The following SKIC2 variants were observed in gnomAD, a reference collection of about 807,000 sequenced individuals.
The protein encoded by SKIC2 is SKI2 subunit of superkiller complex.
chr6:31,964,222 C>T, the SKIC2 span: 7 of 1,612,300 alleles, frequency 4.3e-6, no homozygotes, highest in Non-Finnish European at 5.9e-6. This position sits in a 1 kb window ranked among gnomAD's most constrained non-coding sequence, Gnocchi z 5.0. Context: ...TGGGCCTCCT[C>T]CCACCAAAGG....
the SKIC2 span, chr6:31,963,147 C>T: frequency 9.7e-6 from 12 of 1,233,978 alleles, no homozygotes; most frequent in Admixed American, 3.5e-5. This position sits in a 1 kb window ranked among gnomAD's most constrained non-coding sequence, Gnocchi z 5.3. Flanking sequence ...CTCCTTGATT[C>T]GGGTGGGGGA....
the SKIC2 span, chr6:31,967,492 T>TGCCCTCCTTTTCACCCTCTC: frequency 1.2e-6 from 1 of 839,136 alleles, no homozygotes. The surrounding 1 kb of genome is among the most constrained non-coding windows in gnomAD (Gnocchi z 4.9). Context: ...TTTCCCCTCT[T>TGCCCTCCTTTTCACCCTCTC]GCCCTCCTTT....
the SKIC2 span, chr6:31,968,928 G>A: frequency 1.2e-6 from 2 of 1,613,028 alleles, no homozygotes; most frequent in Non-Finnish European, 8.5e-7. The surrounding 1 kb of genome is among the most constrained non-coding windows in gnomAD (Gnocchi z 6.1). Context: ...GGCAGGGCGG[G>A]TGGCTTGTGC....
chr6:31,962,289 A>G, the SKIC2 span: 4 of 977,616 alleles, frequency 4.1e-6, no homozygotes, highest in South Asian at 1.4e-5. The surrounding 1 kb of genome is among the most constrained non-coding windows in gnomAD (Gnocchi z 5.0). Flanking sequence ...TTCTGGGGTT[A>G]TATCATGCAG....
At chr6:31,968,523 C>T in the SKIC2 span, 3 of 1,612,736 alleles carry the variant, frequency 1.9e-6, no homozygotes, top group Non-Finnish European at 8.5e-7. The surrounding 1 kb of genome is among the most constrained non-coding windows in gnomAD (Gnocchi z 6.1). Context: ...TACACAGCCC[C>T]CGTTTTCCTG....
chr6:31,967,432 C>T, the SKIC2 span: 3 of 1,379,604 alleles, frequency 2.2e-6, no homozygotes, highest in Non-Finnish European at 3.1e-6. The surrounding 1 kb of genome is among the most constrained non-coding windows in gnomAD (Gnocchi z 4.9). Flanking sequence ...AGCCCTCTCT[C>T]CATTTTCCCC....
At chr6:31,968,217 TAAG>T in the SKIC2 span, 4 of 1,446,878 alleles carry the variant, frequency 2.8e-6, no homozygotes, top group Non-Finnish European at 3.8e-6. This position sits in a 1 kb window ranked among gnomAD's most constrained non-coding sequence, Gnocchi z 6.1. Flanking sequence ...TCCCCCAGCC[TAAG>T]GGAGACTGTG....
chr6:31,959,326 C>A, the SKIC2 span: 1 of 1,613,946 alleles, frequency 6.2e-7, no homozygotes, highest in Non-Finnish European at 8.5e-7. Context: ...CCTGGACCTA[C>A]CCCTTCGGGC....
the SKIC2 span, chr6:31,967,712 C>T: frequency 1.9e-6 from 3 of 1,612,752 alleles, no homozygotes; most frequent in African/African-American, 2.7e-5. This position sits in a 1 kb window ranked among gnomAD's most constrained non-coding sequence, Gnocchi z 4.9. Flanking sequence ...TGACCACCCC[C>T]AGGTCTCCTC....
chr6:31,961,337 GC>G, the SKIC2 span: 1 of 1,587,756 alleles, frequency 6.3e-7, no homozygotes, highest in African/African-American at 1.4e-5. Context: ...GCCTCTCCCT[GC>G]AGTGCTCCCC....
At chr6:31,962,281 C>T in the SKIC2 span, among the ~76,000 whole-genome samples, 1 of 152,054 alleles carries the variant, frequency 6.6e-6, no homozygotes, top group African/African-American at 2.4e-5. This position sits in a 1 kb window ranked among gnomAD's most constrained non-coding sequence, Gnocchi z 5.0. Flanking sequence ...CAGAATTTTT[C>T]TGGGGTTATA....
chr6:31,959,267 T>C, the SKIC2 span: 1 of 1,608,174 alleles, frequency 6.2e-7, no homozygotes, highest in Non-Finnish European at 8.5e-7. Flanking sequence ...GAATGAACTT[T>C]GACCCCTGAC....
chr6:31,959,643 A>G, the SKIC2 span: 1 of 554,920 alleles, frequency 1.8e-6, no homozygotes, highest in East Asian at 3.0e-5. Flanking sequence ...TTCTCCGTGG[A>G]GCTCCCTTCT....
At chr6:31,969,179 C>A in the SKIC2 span, 1 of 1,552,702 alleles carries the variant, frequency 6.4e-7, no homozygotes, top group Non-Finnish European at 8.8e-7. The surrounding 1 kb of genome is among the most constrained non-coding windows in gnomAD (Gnocchi z 6.1). Context: ...CCCTCCAGCC[C>A]TGTAAGTGCC....
chr6:31,967,938 G>A, the SKIC2 span: 1 of 1,613,104 alleles, frequency 6.2e-7, no homozygotes, highest in Non-Finnish European at 8.5e-7. The surrounding 1 kb of genome is among the most constrained non-coding windows in gnomAD (Gnocchi z 4.9). Flanking sequence ...TGTCTGCCCT[G>A]CTCTCCCCTT....
chr6:31,969,365 T>G, the SKIC2 span: 2 of 1,613,958 alleles, frequency 1.2e-6, no homozygotes, highest in Non-Finnish European at 1.7e-6. The surrounding 1 kb of genome is among the most constrained non-coding windows in gnomAD (Gnocchi z 6.1). Context: ...GAGGAATTTG[T>G]GGGGGAGCTG....
the SKIC2 span, chr6:31,962,908 A>C: frequency 7.5e-7 from 1 of 1,337,956 alleles, no homozygotes; most frequent in Non-Finnish European, 1.1e-6. The surrounding 1 kb of genome is among the most constrained non-coding windows in gnomAD (Gnocchi z 5.0). Context: ...TTACCCCCAT[A>C]TGGAATCCTG....
At chr6:31,966,676 C>T in the SKIC2 span, 1 of 1,613,240 alleles carries the variant, frequency 6.2e-7, no homozygotes, top group Admixed American at 1.7e-5. The surrounding 1 kb of genome is among the most constrained non-coding windows in gnomAD (Gnocchi z 5.9). Flanking sequence ...AGGTCCCACC[C>T]TGATCTCAGT....
the SKIC2 span, chr6:31,967,444 C>G: frequency 2.3e-6 from 3 of 1,302,720 alleles, no homozygotes; most frequent in Non-Finnish European, 3.3e-6. The surrounding 1 kb of genome is among the most constrained non-coding windows in gnomAD (Gnocchi z 4.9). Context: ...ATTTTCCCCA[C>G]TTGGCCAGGG....
Sources: allele counts gnomAD v4.1 joint callset (sites outside exome capture counted in the v4.1 genomes callset), GRCh38; gene constraint gnomAD v4.1.1; non-coding constraint Gnocchi (gnomAD v3.1); transcripts MANE v1.5; gene names NCBI Gene and HGNC (gene_info 2026-07-23, HGNC 2026-07-21).